Variants in GRK5 observed in about 807,000 individuals in gnomAD.
GRK5 encodes G protein-coupled receptor kinase 5.
GRK5 carries 40 observed loss-of-function variants against 78.4 expected under a neutral mutation model. The observed-to-expected ratio is 0.51, with a 90% CI of 0.40 to 0.66. The LOEUF is 0.66. Among genes scored for constraint, GRK5 ranks in the 30% least tolerant of loss-of-function variants. The pLI is 0.00. For missense variants in GRK5, 598 were observed against 759.9 expected (o/e 0.79, Z 2.50); for synonymous variants, 289 against 296.8 (o/e 0.97, Z 0.27).
At chr10:119,221,226 A>G (rs898273063) in intron 1 of GRK5, among the ~76,000 whole-genome samples, 6 of 152,166 alleles carry the variant, frequency 3.9e-5, no homozygotes, top group African/African-American at 1.2e-4. Context: ...CCTGCTACCA[A>G]TCCCACCACT....
intron 2 of GRK5, among the ~76,000 whole-genome samples, chr10:119,345,655 G>A (rs1851077830): frequency 6.6e-6 from 1 of 152,004 alleles, no homozygotes; most frequent in South Asian, 2.1e-4. Flanking sequence ...GACACTCCTA[G>A]CAGATATCAA....
At chr10:119,225,635 T>G (rs1175162775) in intron 1 of GRK5, among the ~76,000 whole-genome samples, 4 of 151,706 alleles carry the variant, frequency 2.6e-5, no homozygotes, top group African/African-American at 9.7e-5. Flanking sequence ...TTTAGGGTGA[T>G]GTGGAGAGGA....
chr10:119,344,872 C>CCTTCCTTCCTTCCTT (rs1650149707), intron 2 of GRK5, among the ~76,000 whole-genome samples: 5 of 73,720 alleles, frequency 6.8e-5, no homozygotes, highest in African/African-American at 2.8e-4. Context: ...ACAAGACCCA[C>CCTTCCTTCCTTCCTT]CCTTCCTTCC....
At chr10:119,436,550 C>T (rs2275040) in intron 8 of GRK5, 101 bp from the exon 9 acceptor site, 546,427 of 1,200,230 alleles carry the variant, frequency 0.46, 129,857 homozygotes, top group Non-Finnish European at 0.48. Flanking sequence ...GGTGAGGCTC[C>T]TCTGTTCCCT....
chr10:119,284,372 A>C (rs1377846789), intron 1 of GRK5, among the ~76,000 whole-genome samples: 1 of 152,194 alleles, frequency 6.6e-6, no homozygotes, highest in Admixed American at 6.5e-5. Flanking sequence ...GGCTGGTCTC[A>C]AACAGTTCTC....
At chr10:119,348,100 AC>A (rs1306894252) in intron 2 of GRK5, among the ~76,000 whole-genome samples, 1 of 152,208 alleles carries the variant, frequency 6.6e-6, no homozygotes, top group African/African-American at 2.4e-5. Context: ...CAGTGGCTGC[AC>A]ACCGTAGGTG....
chr10:119,425,099 A>G lies in GRK5; in HGVS notation c.533+14A>G. The G allele has an allele frequency of 6.4e-7, 1 of 1,556,344 alleles. No homozygotes were observed. Among genetic ancestry groups the G allele is most frequent in the Non-Finnish European group, 8.9e-7 (1 of 1,127,132 alleles). On this transcript the variant is annotated intron_variant, in intron 6 of 15. Coordinates refer to ENST00000392870, the MANE Select transcript of GRK5 (RefSeq NM_005308.3). ...GTGGTTGGAAAGGTGAGTCCACCAC[A>G]CCCCATACAGATCAGGGAGGCAGAG...
In GRK5 at chr10:119,458,004, T is replaced by C. The variant is rs1158209306; in HGVS notation, c.*2937T>C. Reference sequence around the variant, plus strand: ...CCACTGTCCCTGGCCTATACGGTCATTTTTTAAAAGATATTTTAAAATTAA... The same window carrying C: ...CCACTGTCCCTGGCCTATACGGTCACTTTTTAAAAGATATTTTAAAATTAA... On this transcript the variant is annotated 3_prime_UTR_variant, in exon 16 of 16. Transcript: ENST00000392870. The C allele has an allele frequency of 6.6e-6, 1 of 152,196 alleles. No individual in the cohort carries two copies. The highest frequency in any genetic ancestry group is 1.9e-4 in the East Asian group (1 of 5,192). The allele number at this position is 152,196 out of a possible 1,614,324, so 9.4% of individuals were successfully genotyped here. A position where few individuals can be genotyped will look rare whatever the true frequency, so the allele number is the denominator to read the frequency against.
At chr10:119,415,843 AG>A (rs1408639809) in intron 4 of GRK5, among the ~76,000 whole-genome samples, 1 of 152,230 alleles carries the variant, frequency 6.6e-6, no homozygotes, top group Admixed American at 6.5e-5. Flanking sequence ...AGTGACTTGC[AG>A]GGGACCCCTT....
chr10:119,418,019 A>T (rs1196077173), intron 4 of GRK5, among the ~76,000 whole-genome samples: 1 of 152,164 alleles, frequency 6.6e-6, no homozygotes, highest in Non-Finnish European at 1.5e-5. Flanking sequence ...CATAGGGAAG[A>T]GGTGGTAAGA....
In GRK5 at chr10:119,278,245, C is replaced by T. The variant is rs142717374; in HGVS notation, c.53-48271C>T. Reference sequence around the variant, plus strand: ...CCCTGAGCGATGGCTCCTATGTGCCCGTCTCCACCTGTTCTCTCAGGGCTA... The same window carrying T: ...CCCTGAGCGATGGCTCCTATGTGCCTGTCTCCACCTGTTCTCTCAGGGCTA... On this transcript the variant is annotated intron_variant, in intron 1 of 15. Transcript: ENST00000392870. Among the ~76,000 whole-genome samples the T allele has an allele frequency of 8.1e-4, 124 of 152,160 alleles. 1 individual carries two copies. The highest frequency in any genetic ancestry group is 2.7e-3 in the African/African-American group (113 of 41,520).
chr10:119,285,230 T>C (rs1263826865), intron 1 of GRK5, among the ~76,000 whole-genome samples: 1 of 151,910 alleles, frequency 6.6e-6, no homozygotes, highest in East Asian at 1.9e-4. Flanking sequence ...TTGGTGGAGG[T>C]AGGGGGAGCA....
In GRK5 at chr10:119,207,760, T is replaced by G. The variant is rs1589677855; in HGVS notation, c.-158T>G. On this transcript the variant is annotated 5_prime_UTR_variant, in exon 1 of 16. Coordinates refer to ENST00000392870, the MANE Select transcript of GRK5 (RefSeq NM_005308.3). ...TCCTCTTTGCAGAGGGGGAAACTCT[T>G]GGGCTGAGAGCAGGAATAATGCGGT... 5.9e-6 allele frequency: 4 copies of G among 678,168 alleles called. No individual in the cohort carries two copies. The highest frequency in any genetic ancestry group is 9.5e-6 in the Non-Finnish European group (4 of 420,670). The allele number at this position is 678,168 out of a possible 1,614,324, so 42.0% of individuals were successfully genotyped here.
At chr10:119,367,994 C>T (rs890835439) in intron 2 of GRK5, among the ~76,000 whole-genome samples, 39 of 152,370 alleles carry the variant, frequency 2.6e-4, no homozygotes, top group African/African-American at 7.0e-4. Context: ...GCCAGGTCTG[C>T]CTGGAAGCTG....
At chr10:119,288,410 C>G (rs1849894901) in intron 1 of GRK5, among the ~76,000 whole-genome samples, 1 of 152,188 alleles carries the variant, frequency 6.6e-6, no homozygotes, top group African/African-American at 2.4e-5. Flanking sequence ...CAGGGTCTAG[C>G]AAATAGTAGG....
At position 119,445,238 on chromosome 10, in the gene GRK5, C is replaced by T. The variant is rs148989667; in HGVS notation, c.1266+1486C>T. ...GGGTGTGAGCCATACTTGGCTGTCT[C>T]ATTGGGAGATATCTGTCAGGTGCGA... On this transcript the variant is annotated intron_variant, in intron 12 of 15. Transcript: ENST00000392870. This position sits in a 1 kb window ranked among gnomAD's most constrained non-coding sequence, Gnocchi z 4.1. Among the ~76,000 whole-genome samples the T allele has an allele frequency of 1.2e-4, 18 of 152,272 alleles. No homozygotes were observed. The highest frequency in any genetic ancestry group is 4.1e-4 in the African/African-American group (17 of 41,544).
chr10:119,426,817 T>C (rs1190970491), intron 6 of GRK5, among the ~76,000 whole-genome samples: 1 of 151,420 alleles, frequency 6.6e-6, no homozygotes, highest in Non-Finnish European at 1.5e-5. Context: ...ATCACCACCA[T>C]CATCAGCATC....
At position 119,452,132 on chromosome 10, in the gene GRK5, T is replaced by C. The variant is rs1321445364; in HGVS notation, c.1405-539T>C. On this transcript the variant is annotated intron_variant, in intron 13 of 15. Transcript: ENST00000392870. The surrounding 1 kb of genome is among the most constrained non-coding windows in gnomAD (Gnocchi z 4.4). ...CTACCATAATAATACCAGCTCCCAG[T>C]TACGGGCGCCAGGCTCGGTGGCCAG... Among the ~76,000 whole-genome samples, 1 of 152,196 alleles carries C rather than the reference T, an allele frequency of 6.6e-6. No individual in the cohort carries two copies. Among genetic ancestry groups the C allele is most frequent in the Non-Finnish European group, 1.5e-5 (1 of 68,014 alleles).
At position 119,436,677 on chromosome 10, in the gene GRK5, C is replaced by A; in HGVS notation, c.765C>A (p.Thr255=). ...FVVNLAYAYE[T]KDALCLVLTI... ...TCAACCTGGCCTATGCCTACGAGAC[C>A]AAGGATGCACTGTGCTTGGTCCTGA... The change falls in exon 9 of 16, where the codon ACC becomes ACA. Residue 255 remains threonine (T), a synonymous_variant. Coordinates refer to ENST00000392870, the MANE Select transcript of GRK5 (RefSeq NM_005308.3). 1 of 1,614,222 alleles carries A rather than the reference C, an allele frequency of 6.2e-7. No homozygotes were observed. Among genetic ancestry groups the A allele is most frequent in the Non-Finnish European group, 8.5e-7 (1 of 1,180,042 alleles).
Sources: allele counts gnomAD v4.1 joint callset (sites outside exome capture counted in the v4.1 genomes callset), GRCh38; gene constraint gnomAD v4.1.1; non-coding constraint Gnocchi (gnomAD v3.1); transcripts MANE v1.5; gene names NCBI Gene and HGNC (gene_info 2026-07-23, HGNC 2026-07-21).